RASSF3: variants seen among roughly 807,000 people sequenced by gnomAD.
The protein encoded by RASSF3 is ras association domain-containing protein 3.
In RASSF3, 19 loss-of-function variants were observed where a neutral mutation model predicts 19.9. That is an observed-to-expected ratio of 0.96 (90% confidence interval 0.67 to 1.40). The LOEUF (loss-of-function observed/expected upper bound fraction) is 1.40. RASSF3 is among the 40% of genes most tolerant of loss of function. The probability of loss-of-function intolerance (pLI) is 0.00; values close to 1 mark genes in which losing one functional copy is unlikely to be tolerated. For missense variants in RASSF3, 306 were observed against 289.8 expected (o/e 1.06, Z -0.41); for synonymous variants, 110 against 104.2 (o/e 1.06, Z -0.34).
At position 64,696,557 on chromosome 12, in the gene RASSF3, T is replaced by C. The variant is rs1208152525; in HGVS notation, c.*1645T>C. Reference sequence around the variant, plus strand: ...ACTTTGGTGACACCTAATGGATTCTTTTTGAAATTCCAAGGTGCTTCAGTT... The same window carrying C: ...ACTTTGGTGACACCTAATGGATTCTCTTTGAAATTCCAAGGTGCTTCAGTT... On this transcript the variant is annotated 3_prime_UTR_variant, in exon 5 of 5. Coordinates refer to ENST00000542104, the MANE Select transcript of RASSF3 (RefSeq NM_178169.4). 6.6e-6 allele frequency: 1 copy of C among 152,192 alleles called. No individual in the cohort carries two copies. 9.4% of individuals were successfully genotyped at this position (152,192 alleles called of 1,614,324 possible). A position where few individuals can be genotyped will look rare whatever the true frequency, so the allele number is the denominator to read the frequency against.
upstream of RASSF3, among the ~76,000 whole-genome samples, chr12:64,529,908 G>A (rs565974757): frequency 2.0e-5 from 3 of 152,228 alleles, no homozygotes; most frequent in South Asian, 6.2e-4. Context: ...TGTGACAATC[G>A]AGCTTGGTGA....
chr12:64,650,517 G>A (rs1403356503), intron 1 of RASSF3, among the ~76,000 whole-genome samples: 2 of 144,712 alleles, frequency 1.4e-5, no homozygotes, highest in Non-Finnish European at 3.0e-5. Context: ...CCAGGTTCAC[G>A]GGATTCTTCT....
intron 1 of RASSF3, among the ~76,000 whole-genome samples, chr12:64,520,269 A>G (rs1868439553): frequency 6.6e-6 from 1 of 151,248 alleles, no homozygotes. Flanking sequence ...CTTGGGTTCA[A>G]GCGATTCTTC....
At chr12:64,678,057 G>A (rs888364502) in intron 1 of RASSF3, among the ~76,000 whole-genome samples, 1 of 152,138 alleles carries the variant, frequency 6.6e-6, no homozygotes, top group African/African-American at 2.4e-5. Flanking sequence ...TTAAGGTCTG[G>A]TCCATGGTAC....
At chr12:64,635,733 G>T (rs942329682) in intron 1 of RASSF3, among the ~76,000 whole-genome samples, 3 of 152,166 alleles carry the variant, frequency 2.0e-5, no homozygotes, top group Admixed American at 6.5e-5. Context: ...CCTAGTTAGG[G>T]TGACTGTTGT....
chr12:64,621,295 T>A (rs1313649379), intron 1 of RASSF3, among the ~76,000 whole-genome samples: 1 of 152,174 alleles, frequency 6.6e-6, no homozygotes, highest in Non-Finnish European at 1.5e-5. Flanking sequence ...AAATCTCCCT[T>A]GTGTGAGAAT....
At chr12:64,535,623 C>T (rs914571435) in intron 1 of RASSF3, among the ~76,000 whole-genome samples, 2 of 152,006 alleles carry the variant, frequency 1.3e-5, no homozygotes, top group African/African-American at 2.4e-5. Flanking sequence ...ACCTTGACCT[C>T]CCAAAGTGCT....
In RASSF3 at chr12:64,610,618, G is replaced by C. The variant is rs1225081903; in HGVS notation, c.-15G>C. Reference sequence around the variant, plus strand: ...CGCCCCGGGGAGGCCGCCCGCGCGCGACGGGACCGGCAGCATGAGCAGCGG... The same window carrying C: ...CGCCCCGGGGAGGCCGCCCGCGCGCCACGGGACCGGCAGCATGAGCAGCGG... On this transcript the variant is annotated 5_prime_UTR_variant, in exon 1 of 5. Transcript: ENST00000542104. 2 of 1,494,372 alleles carry C rather than the reference G, an allele frequency of 1.3e-6. No homozygotes were observed. Among genetic ancestry groups the C allele is most frequent in the African/African-American group, 1.4e-5 (1 of 69,304 alleles). 92.6% of individuals were successfully genotyped at this position (1,494,372 alleles called of 1,614,324 possible). A position where few individuals can be genotyped will look rare whatever the true frequency, so the allele number is the denominator to read the frequency against.
intron 1 of RASSF3, among the ~76,000 whole-genome samples, chr12:64,645,228 G>A (rs1871687577): frequency 6.6e-6 from 1 of 152,198 alleles, no homozygotes; most frequent in African/African-American, 2.4e-5. Context: ...TAATGAATAT[G>A]TATTGTATTC....
At chr12:64,531,367 T>C (rs1191617158), upstream of RASSF3, among the ~76,000 whole-genome samples, 2 of 152,228 alleles carry the variant, frequency 1.3e-5, no homozygotes, top group African/African-American at 4.8e-5. Context: ...TGACCAAGTA[T>C]GTGTGAGTTT....
chr12:64,586,099 T>C (rs1233890417), intron 2 of RASSF3, among the ~76,000 whole-genome samples: 1 of 151,008 alleles, frequency 6.6e-6, no homozygotes, highest in Non-Finnish European at 1.5e-5. Flanking sequence ...GGGAGGTGGG[T>C]GGATCACCTG....
chr12:64,556,583 T>A (rs1197311593), intron 2 of RASSF3, among the ~76,000 whole-genome samples: 1 of 151,950 alleles, frequency 6.6e-6, no homozygotes, highest in Non-Finnish European at 1.5e-5. Context: ...CTGTAGGAAG[T>A]GTGGTCTTCA....
chr12:64,585,530 A>AG (rs1253919091), intron 2 of RASSF3, among the ~76,000 whole-genome samples: 1 of 150,922 alleles, frequency 6.6e-6, no homozygotes, highest in Non-Finnish European at 1.5e-5. Flanking sequence ...ATGAGTGAAG[A>AG]GGGGGGAAAA....
chr12:64,583,558 G>A (rs1276679757), intron 2 of RASSF3, among the ~76,000 whole-genome samples: 1 of 152,298 alleles, frequency 6.6e-6, no homozygotes, highest in Non-Finnish European at 1.5e-5. Flanking sequence ...GGAGGCAGAG[G>A]TTATAGTGAG....
chr12:64,670,487 A>C (rs1379751514), intron 1 of RASSF3, among the ~76,000 whole-genome samples: 9 of 151,688 alleles, frequency 5.9e-5, no homozygotes, highest in African/African-American at 2.2e-4. Context: ...GCCCATCCCA[A>C]ATCTCACCAA....
At chr12:64,542,689 A>G (rs990282271), downstream of RASSF3, among the ~76,000 whole-genome samples, 1 of 152,236 alleles carries the variant, frequency 6.6e-6, no homozygotes, top group African/African-American at 2.4e-5. Flanking sequence ...CAGGAATTCA[A>G]GACCAGCCTG....
chr12:64,615,107 C>T (rs967660092), intron 1 of RASSF3, among the ~76,000 whole-genome samples: 1 of 152,144 alleles, frequency 6.6e-6, no homozygotes, highest in South Asian at 2.1e-4. Flanking sequence ...AAGGATCCAC[C>T]TAATCATTGT....
At chr12:64,615,840 ATT>A (rs1322022961) in intron 1 of RASSF3, among the ~76,000 whole-genome samples, 2 of 151,710 alleles carry the variant, frequency 1.3e-5, no homozygotes, top group Non-Finnish European at 2.9e-5. Context: ...TGCCTGGCTA[ATT>A]TTTTGTATTT....
Position 64,688,497 on chromosome 12 carries a change from G to C in RASSF3, c.457+44G>C. The C allele has an allele frequency of 2.2e-6, 3 of 1,356,364 alleles. No individual in the cohort carries two copies. In the South Asian group the frequency reaches 3.5e-5, roughly 16 times the overall value. 84.0% of individuals were successfully genotyped at this position (1,356,364 alleles called of 1,614,324 possible). A position where few individuals can be genotyped will look rare whatever the true frequency, so the allele number is the denominator to read the frequency against. On this transcript the variant is annotated intron_variant, in intron 3 of 4. Coordinates refer to ENST00000542104, the MANE Select transcript of RASSF3 (RefSeq NM_178169.4). The stretch of plus-strand genomic sequence containing the variant: ...AGGAAAATGGTCTGTGCTTCTACTT[G>C]CATCTGCTGTTCTCATTAGCAGAGG...
Sources: gnomAD v4.1 joint callset for allele counts (sites outside exome capture counted in the v4.1 genomes callset) on GRCh38, gnomAD v4.1.1 for gene constraint, MANE v1.5 for transcripts, NCBI Gene and HGNC (gene_info 2026-07-23, HGNC 2026-07-21) for gene names.